The following RORB variants were observed in gnomAD, a reference collection of about 807,000 sequenced individuals.
RORB encodes nuclear receptor ROR-beta.
Under a neutral mutation model 59.1 loss-of-function variants are expected in RORB, and 6 were observed. The ratio of observed to expected loss-of-function variants is 0.10; its 90% CI spans 0.06 to 0.20. The LOEUF (loss-of-function observed/expected upper bound fraction) is 0.20. Among genes scored for constraint, RORB ranks in the 10% least tolerant of loss-of-function variants. The pLI, the probability that RORB is intolerant of heterozygous loss-of-function variation, is 1.00. For synonymous variants in RORB, 215 were observed against 204.5 expected (o/e 1.05, Z -0.44); for missense variants, 320 against 560.5 (o/e 0.57, Z 4.33).
At chr9:74,634,827 T>C (rs894898634) in intron 3 of RORB, 55 bp downstream of exon 3, 3 of 1,520,774 alleles carry the variant, frequency 2.0e-6, no homozygotes, top group Non-Finnish European at 2.7e-6. Context: ...GATGCTTTGC[T>C]GGAGTCTATT....
intron 1 of RORB, among the ~76,000 whole-genome samples, chr9:74,585,277 AT>A (rs1050899521): frequency 9.2e-5 from 14 of 152,196 alleles, no homozygotes; most frequent in African/African-American, 2.9e-4. Context: ...AGGCCTTTTT[AT>A]TCCAAATTTT....
chr9:74,509,221 A>G (rs1472603068), intron 1 of RORB, among the ~76,000 whole-genome samples: 1 of 152,102 alleles, frequency 6.6e-6, no homozygotes, highest in Non-Finnish European at 1.5e-5. Flanking sequence ...CTAAAATAAA[A>G]TAAGTATTAT....
intron 1 of RORB, among the ~76,000 whole-genome samples, chr9:74,556,257 T>C (rs957272777): frequency 2.6e-5 from 4 of 152,188 alleles, no homozygotes; most frequent in Non-Finnish European, 5.9e-5. Context: ...TATATTATAC[T>C]TATTACTGAG....
At chr9:74,637,607 C>A (rs1398977994) in intron 3 of RORB, among the ~76,000 whole-genome samples, 1 of 151,856 alleles carries the variant, frequency 6.6e-6, no homozygotes, top group Non-Finnish European at 1.5e-5. Context: ...TTTACCTACA[C>A]CCTTTACAAA....
chr9:74,546,998 G>A (rs1826507617), intron 1 of RORB, among the ~76,000 whole-genome samples: 1 of 152,134 alleles, frequency 6.6e-6, no homozygotes, highest in South Asian at 2.1e-4. Flanking sequence ...GGAGGCTGAG[G>A]CAGGAGAATC....
intron 1 of RORB, among the ~76,000 whole-genome samples, chr9:74,547,622 A>T (rs544956744): frequency 7.7e-4 from 117 of 152,304 alleles, no homozygotes; most frequent in African/African-American, 2.5e-3. Context: ...TCTGCTTAAC[A>T]GCACCCCAAG....
At chr9:74,670,633 C>T (rs181043096) in intron 8 of RORB, among the ~76,000 whole-genome samples, 10 of 152,302 alleles carry the variant, frequency 6.6e-5, no homozygotes, top group South Asian at 2.1e-4. Context: ...CTCCAAATAC[C>T]TCATTTGCCA....
At chr9:74,604,050 A>ATTACT (rs113583593) in intron 1 of RORB, among the ~76,000 whole-genome samples, 3 of 151,756 alleles carry the variant, frequency 2.0e-5, no homozygotes, top group African/African-American at 7.3e-5. Context: ...AGCACTAAAT[A>ATTACT]TTATTTTTCT....
At chr9:74,610,204 T>C (rs551432707) in intron 1 of RORB, among the ~76,000 whole-genome samples, 1 of 152,366 alleles carries the variant, frequency 6.6e-6, no homozygotes, top group African/African-American at 2.4e-5. Context: ...TGGTATCTTC[T>C]GTAAAATAAA....
intron 1 of RORB, among the ~76,000 whole-genome samples, chr9:74,505,818 C>T (rs1825863055): frequency 1.3e-5 from 2 of 151,890 alleles, no homozygotes; most frequent in Admixed American, 6.6e-5. Flanking sequence ...TGATGTAGCA[C>T]AAATAATAGT....
chr9:74,662,744 A>G lies in RORB; in HGVS notation c.892+138A>G. The G allele has an allele frequency of 1.2e-5, 10 of 829,128 alleles. No individual in the cohort carries two copies. The South Asian group carries it at 1.7e-4, about 14-fold the overall frequency. 51.4% of individuals were successfully genotyped at this position (829,128 alleles called of 1,614,324 possible). On this transcript the variant is annotated intron_variant, in intron 6 of 9. Transcript: ENST00000376896. Reference sequence around the variant, plus strand: ...CACATTGTCAGCCAACTCCCAAAGGAAACTCTCAGTAATAAAAATGCCCTG... The same window carrying G: ...CACATTGTCAGCCAACTCCCAAAGGGAACTCTCAGTAATAAAAATGCCCTG...
chr9:74,563,222 G>C (rs1200727053), intron 1 of RORB, among the ~76,000 whole-genome samples: 1 of 128,720 alleles, frequency 7.8e-6, no homozygotes, highest in Non-Finnish European at 1.6e-5. Context: ...GTCTCGCTCT[G>C]TCGCCCAGGC....
chr9:74,624,020 G>A lies in RORB; in HGVS notation c.8-6262G>A. Among the ~76,000 whole-genome samples, 2 of 152,120 alleles carry A rather than the reference G, an allele frequency of 1.3e-5. 1 individual carries two copies. Among genetic ancestry groups the A allele is most frequent in the Non-Finnish European group, 2.9e-5 (2 of 68,018 alleles). ...TCATGTTCTGTTGTTTCAGTCCTCT[G>A]GGGAGTGAGCAAACACTTCAGGGGT... is the stretch of plus-strand genomic sequence containing the variant. On this transcript the variant is annotated intron_variant, in intron 1 of 9. Coordinates refer to ENST00000376896, the MANE Select transcript of RORB (RefSeq NM_006914.4).
rs116753310 is a variant in RORB at position 74,614,839 on chromosome 9, T to C, written c.8-15443T>C. On this transcript the variant is annotated intron_variant, in intron 1 of 9. Transcript: ENST00000376896. ...TTTTTACCTATTCATATATTTATCCTTCCTAGCAAGGATCAGAAATTTCTG... is the reference window on the plus strand; with the variant it reads ...TTTTTACCTATTCATATATTTATCCCTCCTAGCAAGGATCAGAAATTTCTG... Among the ~76,000 whole-genome samples the C allele has an allele frequency of 6.0e-3, 912 of 152,346 alleles. 8 individuals are homozygous for C. Among genetic ancestry groups the C allele is most frequent in the African/African-American group, 0.021 (870 of 41,572 alleles).
chr9:74,654,333 GGAGAGAGAGAGAGAGAGAGA>G (rs60137307), intron 4 of RORB, among the ~76,000 whole-genome samples: 235 of 138,712 alleles, frequency 1.7e-3, no homozygotes, highest in African/African-American at 6.0e-3. Flanking sequence ...CAGTCTCAGG[GGAGAGAGAGAGAGAGAGAGA>G]GAGAGAGAGA....
chr9:74,577,258 A>C (rs1822650485), intron 1 of RORB, among the ~76,000 whole-genome samples: 1 of 152,096 alleles, frequency 6.6e-6, no homozygotes, highest in Non-Finnish European at 1.5e-5. Flanking sequence ...CTAATGTCAA[A>C]ATCGTTCTGT....
At chr9:74,677,580 G>A (rs1319852877) in intron 9 of RORB, among the ~76,000 whole-genome samples, 1 of 152,112 alleles carries the variant, frequency 6.6e-6, no homozygotes, top group African/African-American at 2.4e-5. Flanking sequence ...ATTGGACATG[G>A]CTGATCTAGA....
At chr9:74,539,133 A>T (rs895050810) in intron 1 of RORB, among the ~76,000 whole-genome samples, 10 of 152,230 alleles carry the variant, frequency 6.6e-5, no homozygotes, top group African/African-American at 2.4e-4. Context: ...GTTAAATTTT[A>T]AAACAAACAC....
intron 1 of RORB, among the ~76,000 whole-genome samples, chr9:74,566,335 A>G (rs1822467815): frequency 6.6e-6 from 1 of 151,982 alleles, no homozygotes; most frequent in Non-Finnish European, 1.5e-5. Context: ...GATACTAGAT[A>G]ATGCATATAC....
Sources: allele counts gnomAD v4.1 joint callset (sites outside exome capture counted in the v4.1 genomes callset), GRCh38; gene constraint gnomAD v4.1.1; transcripts MANE v1.5; gene names NCBI Gene and HGNC (gene_info 2026-07-23, HGNC 2026-07-21).